The following ACTN1 variants were observed in gnomAD, a reference collection of about 807,000 sequenced individuals.
The protein encoded by ACTN1 is alpha-actinin-1.
Under a neutral mutation model 119.6 loss-of-function variants are expected in ACTN1, and 30 were observed. That is an observed-to-expected ratio of 0.25 (90% CI 0.19 to 0.34). ACTN1 has a LOEUF of 0.34. Ranked by LOEUF, ACTN1 falls within the 10% of genes least tolerant of loss-of-function variation. The pLI is 1.00. For missense variants in ACTN1, 764 were observed against 1,223.4 expected (o/e 0.62, Z 5.60); for synonymous variants, 429 against 472.6 (o/e 0.91, Z 1.20).
chr14:68,969,789 C>T (rs374899636), intron 1 of ACTN1, among the ~76,000 whole-genome samples: 1 of 152,146 alleles, frequency 6.6e-6, no homozygotes, highest in African/African-American at 2.4e-5. Flanking sequence ...GGCTGTTATG[C>T]GTTGGACATC....
Position 68,909,212 on chromosome 14 carries a change from C to A in ACTN1, c.594+106G>T. On this transcript the variant is annotated intron_variant, in intron 6 of 21. Coordinates refer to ENST00000394419, the MANE Select transcript of ACTN1 (RefSeq NM_001130004.2). This position sits in a 1 kb window ranked among gnomAD's most constrained non-coding sequence, Gnocchi z 4.1. ...GTCTGGCTATTCTAAGAGGCCAACA[C>A]TGCTCAGGCTGGACCATGGACTGTC... is the stretch of plus-strand genomic sequence containing the variant. 1 of 1,152,352 alleles carries A rather than the reference C, an allele frequency of 8.7e-7. No homozygotes were observed. Among genetic ancestry groups the A allele is most frequent in the Non-Finnish European group, 1.3e-6 (1 of 779,648 alleles). 71.4% of individuals were successfully genotyped at this position (1,152,352 alleles called of 1,614,324 possible).
chr14:68,947,260 T>C (rs898165574), intron 1 of ACTN1: 1 of 152,172 alleles, frequency 6.6e-6, no homozygotes, highest in African/African-American at 2.4e-5. Context: ...GAAATGTATA[T>C]AGGAAGTCTG....
chr14:68,954,310 C>T (rs1484750119), intron 1 of ACTN1, among the ~76,000 whole-genome samples: 1 of 151,318 alleles, frequency 6.6e-6, no homozygotes. Flanking sequence ...CTGTTACACA[C>T]AGAGAATTTA....
At chr14:68,920,693 C>T (rs1475875699) in intron 3 of ACTN1, among the ~76,000 whole-genome samples, 2 of 152,176 alleles carry the variant, frequency 1.3e-5, no homozygotes, top group African/African-American at 4.8e-5. Flanking sequence ...CCAGGCAACA[C>T]CGTGCAGTCA....
At chr14:68,903,868 A>G (rs2033502583) in intron 7 of ACTN1, among the ~76,000 whole-genome samples, 1 of 152,162 alleles carries the variant, frequency 6.6e-6, no homozygotes, top group African/African-American at 2.4e-5. Context: ...GGGCAATGGT[A>G]AGGTCAGCAG....
chr14:68,911,524 T>C (rs965733604), intron 4 of ACTN1, among the ~76,000 whole-genome samples: 1 of 152,246 alleles, frequency 6.6e-6, no homozygotes, highest in Admixed American at 6.5e-5. Flanking sequence ...AAGAAATTCC[T>C]TTGATTAAAA....
intron 1 of ACTN1, among the ~76,000 whole-genome samples, chr14:68,952,545 T>C (rs1275621239): frequency 6.6e-6 from 1 of 152,196 alleles, no homozygotes. Flanking sequence ...GGAAGGTAGA[T>C]ATGTGCCCTG....
At chr14:68,883,288 G>C in intron 14 of ACTN1, 1 of 536,986 alleles carries the variant, frequency 1.9e-6, no homozygotes, top group Non-Finnish European at 3.3e-6. Flanking sequence ...AACCTCTCTG[G>C]TGTGTTCACC....
chr14:68,914,966 T>G (rs2034205322), intron 3 of ACTN1, among the ~76,000 whole-genome samples: 1 of 152,196 alleles, frequency 6.6e-6, no homozygotes, highest in South Asian at 2.1e-4. Context: ...CTCAGCTTTT[T>G]GGCAGTATAA....
chr14:68,962,940 G>T (rs1370820414), intron 1 of ACTN1, among the ~76,000 whole-genome samples: 1 of 152,184 alleles, frequency 6.6e-6, no homozygotes, highest in African/African-American at 2.4e-5. Context: ...CCCTAAAGAT[G>T]CCCAGAGCTT....
chr14:68,960,699 C>G (rs545989956), intron 1 of ACTN1, among the ~76,000 whole-genome samples: 4 of 150,866 alleles, frequency 2.7e-5, no homozygotes, highest in African/African-American at 4.9e-5. Flanking sequence ...TCACTTAAGG[C>G]CAGGAGTTTG....
intron 8 of ACTN1, among the ~76,000 whole-genome samples, chr14:68,895,954 AC>A (rs1566610534): frequency 6.6e-6 from 1 of 152,100 alleles, no homozygotes; most frequent in Non-Finnish European, 1.5e-5. Context: ...CAAAGATCCA[AC>A]CGCATTCCCA....
At chr14:68,966,431 C>T (rs2036708707) in intron 1 of ACTN1, among the ~76,000 whole-genome samples, 1 of 152,052 alleles carries the variant, frequency 6.6e-6, no homozygotes, top group Admixed American at 6.6e-5. Flanking sequence ...GTGACTTATC[C>T]AGCATCACAA....
At chr14:68,889,160 T>C (rs1020361312) in intron 11 of ACTN1, among the ~76,000 whole-genome samples, 1 of 152,028 alleles carries the variant, frequency 6.6e-6, no homozygotes, top group Non-Finnish European at 1.5e-5. Flanking sequence ...CTGGGGAAAA[T>C]ACTATCCTAG....
At chr14:68,937,620 T>C (rs1296565631) in intron 1 of ACTN1, among the ~76,000 whole-genome samples, 2 of 152,166 alleles carry the variant, frequency 1.3e-5, no homozygotes, top group African/African-American at 4.8e-5. Flanking sequence ...CTGGGTAAGA[T>C]AAAGGGCTGT....
rs752926525 is a variant in ACTN1, at chr14:68,879,921, G to A, written c.2280+41C>T. The A allele has an allele frequency of 1.2e-6, 2 of 1,606,760 alleles. No individual in the cohort carries two copies. The highest frequency in any genetic ancestry group is 1.3e-5 in the African/African-American group (1 of 74,804). On this transcript the variant is annotated intron_variant, in intron 18 of 21. Transcript: ENST00000394419. The surrounding 1 kb of genome is among the most constrained non-coding windows in gnomAD (Gnocchi z 4.9). Reference sequence around the variant, plus strand: ...TGCCCTCCAGGGCCCTGGGGCAGGGGTTGGGGGCTGCACTAAGAAAGCACA... The same window carrying A: ...TGCCCTCCAGGGCCCTGGGGCAGGGATTGGGGGCTGCACTAAGAAAGCACA...
intron 3 of ACTN1, among the ~76,000 whole-genome samples, chr14:68,914,206 GAATA>G (rs557813929): frequency 8.6e-5 from 13 of 151,558 alleles, no homozygotes; most frequent in Non-Finnish European, 1.9e-4. Context: ...CTAAAAAAAT[GAATA>G]AATAAAATAA....
At chr14:68,895,508 G>C (rs2032808649) in intron 8 of ACTN1, among the ~76,000 whole-genome samples, 1 of 152,094 alleles carries the variant, frequency 6.6e-6, no homozygotes, top group Non-Finnish European at 1.5e-5. Flanking sequence ...GGAAGCCCCA[G>C]ACTACTTCCC....
chr14:68,963,792 G>C (rs1415867193), intron 1 of ACTN1, among the ~76,000 whole-genome samples: 1 of 152,218 alleles, frequency 6.6e-6, no homozygotes, highest in Non-Finnish European at 1.5e-5. Flanking sequence ...TAATCTCAGT[G>C]CCAATAAAAT....
Sources: gnomAD v4.1 joint callset for allele counts (sites outside exome capture counted in the v4.1 genomes callset) on GRCh38, gnomAD v4.1.1 for gene constraint, Gnocchi (gnomAD v3.1) non-coding constraint, MANE v1.5 for transcripts, NCBI Gene and HGNC (gene_info 2026-07-23, HGNC 2026-07-21) for gene names.